The following UBE2W variants were observed in gnomAD, a reference collection of about 807,000 sequenced individuals.
UBE2W encodes ubiquitin conjugating enzyme E2 W.
A neutral mutation model predicts 27.2 loss-of-function variants in UBE2W; 18 were observed. The observed-to-expected ratio is 0.66, with a 90% CI of 0.46 to 0.98. UBE2W has a LOEUF of 0.98. UBE2W is among the 50% of genes least tolerant of loss of function. UBE2W has a pLI of 0.00. For synonymous variants in UBE2W, 53 were observed against 57.2 expected (o/e 0.93, Z 0.33); for missense variants, 90 against 180.2 (o/e 0.50, Z 2.87).
chr8:73,806,442 G>A (rs1262489569), intron 4 of UBE2W, among the ~76,000 whole-genome samples: 4 of 150,710 alleles, frequency 2.7e-5, no homozygotes, highest in Non-Finnish European at 5.9e-5. Context: ...GCTCACGCCT[G>A]TAATCCCAGC....
At position 73,818,355 on chromosome 8, in the gene UBE2W, G is replaced by A. The variant is rs111534690; in HGVS notation, c.210+6792C>T. ...GCAAGTCACCATCATCTCTCACCTG[G>A]GTTACTTTAACGGCCTATCTGATCT... On this transcript the variant is annotated intron_variant, in intron 3 of 5. Transcript: ENST00000602593. Among the ~76,000 whole-genome samples the A allele has an allele frequency of 2.4e-3, 359 of 152,160 alleles. 1 individual carries two copies. Among genetic ancestry groups the A allele is most frequent in the Non-Finnish European group, 4.1e-3 (280 of 67,978 alleles).
intron 1 of UBE2W, among the ~76,000 whole-genome samples, chr8:73,847,500 G>A (rs899434874): frequency 2.0e-5 from 3 of 152,224 alleles, no homozygotes; most frequent in Admixed American, 1.3e-4. Flanking sequence ...GGTATACCCA[G>A]CATATACGTT....
intron 1 of UBE2W, among the ~76,000 whole-genome samples, chr8:73,837,201 T>C (rs796191842): frequency 3.9e-5 from 6 of 152,192 alleles, no homozygotes; most frequent in East Asian, 1.9e-4. Flanking sequence ...TGTTAAAATA[T>C]GGAAAAAGTG....
chr8:73,847,001 C>T (rs1016518002), intron 1 of UBE2W, among the ~76,000 whole-genome samples: 1 of 152,118 alleles, frequency 6.6e-6, no homozygotes, highest in South Asian at 2.1e-4. Flanking sequence ...AACCCCATTT[C>T]TACTAAAAAT....
chr8:73,805,824 A>G, intron 4 of UBE2W, 98 bp from the exon 5 acceptor site: 1 of 601,564 alleles, frequency 1.7e-6, no homozygotes, highest in Admixed American at 3.1e-5. Context: ...AATGCATAAA[A>G]AACAATATAA....
rs941749160 is a variant in UBE2W, at chr8:73,807,488, T to C, written c.367-1762A>G. Among the ~76,000 whole-genome samples the C allele has an allele frequency of 3.3e-5, 5 of 152,308 alleles. 1 individual carries two copies. The highest frequency in any genetic ancestry group is 1.2e-4 in the African/African-American group (5 of 41,566). ...CTCACAATGCTCTTATGTGTTAATA[T>C]TAGTAATTTCATTTAACAAAAAGAA... On this transcript the variant is annotated intron_variant, in intron 4 of 5. Coordinates refer to ENST00000602593, the MANE Select transcript of UBE2W (RefSeq NM_018299.6).
intron 1 of UBE2W, among the ~76,000 whole-genome samples, chr8:73,859,599 AAT>A (rs1355371611): frequency 4.6e-5 from 7 of 152,138 alleles, no homozygotes; most frequent in African/African-American, 1.7e-4. Flanking sequence ...TATCACACAA[AAT>A]ATGTGTTAAT....
intron 3 of UBE2W, among the ~76,000 whole-genome samples, chr8:73,816,102 A>C (rs1253213714): frequency 6.6e-6 from 1 of 152,208 alleles, no homozygotes; most frequent in Non-Finnish European, 1.5e-5. Context: ...GCAAGCATCC[A>C]TAAGTGTTCC....
chr8:73,804,088 T>A (rs1808766070), intron 5 of UBE2W, among the ~76,000 whole-genome samples: 1 of 152,012 alleles, frequency 6.6e-6, no homozygotes, highest in Non-Finnish European at 1.5e-5. Flanking sequence ...TTTCTAATTT[T>A]TAACTACTGG....
At chr8:73,823,925 A>G (rs1265774641) in intron 3 of UBE2W, among the ~76,000 whole-genome samples, 1 of 152,228 alleles carries the variant, frequency 6.6e-6, no homozygotes, top group Non-Finnish European at 1.5e-5. Context: ...TAAAGTGACA[A>G]TGAAATATGA....
intron 1 of UBE2W, among the ~76,000 whole-genome samples, chr8:73,843,136 A>C (rs1810616596): frequency 6.6e-6 from 1 of 152,244 alleles, no homozygotes; most frequent in Admixed American, 6.5e-5. Context: ...AAATCTGTAG[A>C]GATGGAAGGT....
At chr8:73,854,193 T>C (rs1811193275) in intron 1 of UBE2W, among the ~76,000 whole-genome samples, 1 of 151,926 alleles carries the variant, frequency 6.6e-6, no homozygotes, top group African/African-American at 2.4e-5. Flanking sequence ...TTCTATGACT[T>C]AGTAACACCA....
chr8:73,814,958 C>T (rs1028076798), intron 3 of UBE2W, among the ~76,000 whole-genome samples: 1 of 152,226 alleles, frequency 6.6e-6, no homozygotes, highest in Non-Finnish European at 1.5e-5. Flanking sequence ...GTTTATCCCA[C>T]AACCAACCTG....
At chr8:73,785,555 G>A (rs1043302268), downstream of UBE2W, among the ~76,000 whole-genome samples, 3 of 152,012 alleles carry the variant, frequency 2.0e-5, no homozygotes, top group Non-Finnish European at 2.9e-5. Context: ...CCCAGATAGC[G>A]AACACAGTAC....
At chr8:73,840,668 C>T (rs961710701) in intron 1 of UBE2W, among the ~76,000 whole-genome samples, 7 of 152,066 alleles carry the variant, frequency 4.6e-5, no homozygotes, top group African/African-American at 1.5e-4. Flanking sequence ...AGCTTGATTC[C>T]AGCCCTGCCC....
chr8:73,875,829 C>T (rs142534240), intron 1 of UBE2W, among the ~76,000 whole-genome samples: 24 of 152,202 alleles, frequency 1.6e-4, no homozygotes, highest in African/African-American at 5.3e-4. Context: ...GCGAGTGGAT[C>T]GCCTGAGGTC....
chr8:73,788,209 C>T lies in UBE2W; in HGVS notation c.*5893G>A. The T allele has an allele frequency of 9.6e-6, 9 of 941,090 alleles. No homozygotes were observed. Among genetic ancestry groups the T allele is most frequent in the Non-Finnish European group, 1.1e-5 (9 of 789,838 alleles). 58.3% of individuals were successfully genotyped at this position (941,090 alleles called of 1,614,324 possible). On this transcript the variant is annotated 3_prime_UTR_variant, in exon 6 of 6. Coordinates refer to ENST00000602593, the MANE Select transcript of UBE2W (RefSeq NM_018299.6). ...CTGCATTCAACTAACAAGTCTGATA[C>T]ATGTATTAAAAAATATATAACATAG...
intron 1 of UBE2W, among the ~76,000 whole-genome samples, chr8:73,851,235 A>G (rs180908017): frequency 1.6e-3 from 241 of 151,204 alleles, no homozygotes; most frequent in African/African-American, 5.7e-3. Context: ...TTGTGAAGGG[A>G]AAGAAAGCAA....
intron 3 of UBE2W, among the ~76,000 whole-genome samples, chr8:73,813,557 T>C (rs1035227225): frequency 2.0e-5 from 3 of 152,196 alleles, no homozygotes. Flanking sequence ...ACCAGGGGAA[T>C]TGCATGTAAT....
Sources: gnomAD v4.1 joint callset for allele counts (sites outside exome capture counted in the v4.1 genomes callset) on GRCh38, gnomAD v4.1.1 for gene constraint, MANE v1.5 for transcripts, NCBI Gene and HGNC (gene_info 2026-07-23, HGNC 2026-07-21) for gene names.